Variants in LINGO2 observed in about 807,000 individuals in gnomAD.
LINGO2 encodes leucine rich repeat and Ig domain containing 2.
Under a neutral mutation model 30.6 loss-of-function variants are expected in LINGO2, and 14 were observed. That is an observed-to-expected ratio of 0.46 (90% CI 0.30 to 0.72). The LOEUF is 0.72. Ranked by LOEUF, LINGO2 falls within the 30% of genes least tolerant of loss-of-function variation. The probability of loss-of-function intolerance (pLI) is 0.07; values close to 1 mark genes in which losing one functional copy is unlikely to be tolerated. For synonymous variants in LINGO2, 317 were observed against 288.5 expected, an observed-to-expected ratio of 1.10 and a Z score of -1.00; for missense variants, 729 against 751.7, an observed-to-expected ratio of 0.97 and a Z score of 0.35.
chr9:28,001,041 T>C (rs538885883), intron 5 of LINGO2, among the ~76,000 whole-genome samples: 2 of 152,378 alleles, frequency 1.3e-5, no homozygotes, highest in Admixed American at 6.5e-5. Context: ...CCTTCTTATT[T>C]CTAGACATCA....
intron 5 of LINGO2, among the ~76,000 whole-genome samples, chr9:27,957,816 T>C (rs1038605250): frequency 6.6e-6 from 1 of 152,262 alleles, no homozygotes; most frequent in African/African-American, 2.4e-5. Context: ...TATAACAGTA[T>C]TGAACAACTT....
At chr9:28,773,161 C>G in the LINGO2 span, among the ~76,000 whole-genome samples, 1 of 151,964 alleles carries the variant, frequency 6.6e-6, no homozygotes, top group African/African-American at 2.4e-5. Context: ...GTCAGGAGAT[C>G]GAGACTGTCC....
chr9:28,124,422 T>C (rs1265592930), intron 4 of LINGO2, among the ~76,000 whole-genome samples: 2 of 152,182 alleles, frequency 1.3e-5, no homozygotes, highest in Admixed American at 6.6e-5. Context: ...ATCAAACAGG[T>C]GAAAAGAAAG....
chr9:28,104,892 G>C (rs1988366), intron 4 of LINGO2, among the ~76,000 whole-genome samples: 143,874 of 152,050 alleles, frequency 0.95, 68,100 homozygotes, highest in South Asian at 0.99. Flanking sequence ...GTAGAATCCG[G>C]CCCCCACCGA....
chr9:27,951,992 G>T (rs1819337306), intron 5 of LINGO2, among the ~76,000 whole-genome samples: 1 of 151,860 alleles, frequency 6.6e-6, no homozygotes, highest in Non-Finnish European at 1.5e-5. Flanking sequence ...TAGAAACTAG[G>T]CAAAAACCCA....
chr9:29,156,034 T>C, the LINGO2 span, among the ~76,000 whole-genome samples: 2 of 152,172 alleles, frequency 1.3e-5, no homozygotes, highest in Admixed American at 1.3e-4. Context: ...GCAACAAAAA[T>C]TATACAGGGA....
At chr9:28,219,901 C>CTA (rs937749096) in intron 4 of LINGO2, among the ~76,000 whole-genome samples, 3 of 152,112 alleles carry the variant, frequency 2.0e-5, no homozygotes, top group African/African-American at 7.2e-5. Flanking sequence ...TCCATGAGAT[C>CTA]TATATATGCT....
intron 4 of LINGO2, among the ~76,000 whole-genome samples, chr9:28,291,365 G>A (rs537481848): frequency 6.6e-6 from 1 of 152,212 alleles, no homozygotes; most frequent in South Asian, 2.1e-4. Context: ...CTACATCCAC[G>A]TGTTCCTTAG....
chr9:28,943,651 A>G, the LINGO2 span, among the ~76,000 whole-genome samples: 7 of 152,008 alleles, frequency 4.6e-5, no homozygotes, highest in Admixed American at 2.0e-4. Flanking sequence ...ATGCACATGC[A>G]TGAAAGGTAA....
intron 1 of LINGO2, among the ~76,000 whole-genome samples, chr9:28,633,823 G>C (rs1193405080): frequency 6.6e-6 from 1 of 152,248 alleles, no homozygotes; most frequent in East Asian, 1.9e-4. Context: ...CCCAAAGCCT[G>C]GAACACAATG....
chr9:28,437,991 G>A (rs1369286939), intron 2 of LINGO2, among the ~76,000 whole-genome samples: 1 of 152,066 alleles, frequency 6.6e-6, no homozygotes, highest in Non-Finnish European at 1.5e-5. Context: ...TCAAACAAGT[G>A]ACTTAAGAAT....
the LINGO2 span, among the ~76,000 whole-genome samples, chr9:28,894,670 A>T: frequency 2.0e-5 from 3 of 151,882 alleles, no homozygotes; most frequent in African/African-American, 7.2e-5. Context: ...TTTTAATAAT[A>T]TATAATATTT....
At position 28,072,934 on chromosome 9, in the gene LINGO2, T is replaced by A. The variant is rs1195243757; in HGVS notation, c.-86-60529A>T. Among the ~76,000 whole-genome samples, 7 of 152,084 alleles carry A rather than the reference T, an allele frequency of 4.6e-5. No individual in the cohort carries two copies. The South Asian group carries it at 1.4e-3, about 32-fold the overall frequency. ...CTCTCTGGCCCACTTCTTAATTCTG[T>A]TCAGGCCTGTCTTCCCTCCAGTGTT... On this transcript the variant is annotated intron_variant, in intron 4 of 5. Transcript: ENST00000379992.
chr9:28,321,913 A>C (rs764752928), intron 3 of LINGO2, among the ~76,000 whole-genome samples: 2 of 152,012 alleles, frequency 1.3e-5, no homozygotes, highest in Admixed American at 6.6e-5. Flanking sequence ...ATGGAAAAAA[A>C]GAAAAAAAAC....
rs143100546 is a variant in LINGO2 at position 28,621,452 on chromosome 9, T to A, written c.-365+48748A>T. ...CTCCAAGTGTGTCACCGAGAAATAG[T>A]CCTGAAAGCAGAATACCCCAACTGG... On this transcript the variant is annotated intron_variant, in intron 1 of 5. Transcript: ENST00000379992. Among the ~76,000 whole-genome samples the A allele has an allele frequency of 9.9e-5, 15 of 151,746 alleles. No individual in the cohort carries two copies. The East Asian group carries it at 2.9e-3, about 29-fold the overall frequency.
At chr9:28,483,544 A>G (rs1826056026) in intron 1 of LINGO2, among the ~76,000 whole-genome samples, 1 of 151,698 alleles carries the variant, frequency 6.6e-6, no homozygotes, top group Admixed American at 6.6e-5. Context: ...CTTTAGTGAC[A>G]GGAAAAAAAA....
chr9:28,548,813 G>A (rs1822105156), intron 1 of LINGO2, among the ~76,000 whole-genome samples: 1 of 148,204 alleles, frequency 6.7e-6, no homozygotes, highest in African/African-American at 2.5e-5. Flanking sequence ...TAAAAATGTA[G>A]ACACATGAAG....
the LINGO2 span, among the ~76,000 whole-genome samples, chr9:29,063,699 C>G: frequency 5.3e-5 from 8 of 152,222 alleles, no homozygotes; most frequent in Non-Finnish European, 1.0e-4. Flanking sequence ...CTGCACCCGG[C>G]CCTGATTCCA....
chr9:29,112,076 A>G, the LINGO2 span, among the ~76,000 whole-genome samples: 1 of 151,692 alleles, frequency 6.6e-6, no homozygotes, highest in Non-Finnish European at 1.5e-5. Context: ...AATATGTATG[A>G]TGTATTTTTA....
Sources: gnomAD v4.1 joint callset for allele counts (sites outside exome capture counted in the v4.1 genomes callset) on GRCh38, gnomAD v4.1.1 for gene constraint, MANE v1.5 for transcripts, NCBI Gene and HGNC (gene_info 2026-07-23, HGNC 2026-07-21) for gene names.